DNAH9: variants seen among roughly 807,000 people sequenced by gnomAD.
DNAH9 encodes the protein dynein axonemal heavy chain 9.
In DNAH9, 345 loss-of-function variants were observed where a neutral mutation model predicts 471.6. The observed-to-expected ratio is 0.73, with a 90% CI of 0.67 to 0.80. The LOEUF (loss-of-function observed/expected upper bound fraction) is 0.80, where lower values mean the gene tolerates loss of function less well. Ranked by LOEUF, DNAH9 falls within the 30% of genes least tolerant of loss-of-function variation. The pLI is 0.00. For missense variants in DNAH9, 5,407 were observed against 5,609.2 expected (o/e 0.96, Z 1.15); for synonymous variants, 2,093 against 2,123.6 (o/e 0.99, Z 0.40).
Position 11,807,818 on chromosome 17 carries a change from G to A in DNAH9, c.8507G>A (p.Arg2836Lys). 6.2e-7 allele frequency: 1 copy of A among 1,614,076 alleles called. No homozygotes were observed. The highest frequency in any genetic ancestry group is 8.5e-7 in the Non-Finnish European group (1 of 1,179,940). The change falls in exon 44 of 69, where the codon AGG becomes AAG. Residue 2836 changes from arginine to lysine, a missense_variant. Around this residue, in one of 3 missense-constraint regions of DNAH9, gnomAD observed 4,636 missense variants for 4,900.3 expected, o/e 0.95. Transcript: ENST00000262442. ...VGGSGKQSLT[R>K]LAAFISSMDV... ...GGGAGCGGCAAGCAGAGCCTGACAA[G>A]GCTGGCAGCTTTCATCAGCTCCATG...
intron 9 of DNAH9, among the ~76,000 whole-genome samples, chr17:11,639,848 G>A (rs186897041): frequency 6.6e-6 from 1 of 152,224 alleles, no homozygotes; most frequent in Admixed American, 6.5e-5. Flanking sequence ...CTACAAATAC[G>A]AAAATTAGCC....
chr17:11,789,616 A>G (rs2150904737), intron 41 of DNAH9, among the ~76,000 whole-genome samples: 1 of 152,124 alleles, frequency 6.6e-6, no homozygotes, highest in East Asian at 1.9e-4. Context: ...AAAAAACCTG[A>G]AGGGTATACC....
intron 27 of DNAH9, among the ~76,000 whole-genome samples, chr17:11,727,314 G>A (rs1377924170): frequency 2.0e-5 from 3 of 152,046 alleles, no homozygotes; most frequent in Non-Finnish European, 2.9e-5. Flanking sequence ...TTTAGTTTGT[G>A]TGTATGTGTT....
At chr17:11,968,993 A>G (rs1326568221) in intron 68 of DNAH9, among the ~76,000 whole-genome samples, 1 of 152,254 alleles carries the variant, frequency 6.6e-6, no homozygotes, top group Admixed American at 6.5e-5. Context: ...CACATTCGAT[A>G]TGCTCATGAA....
chr17:11,664,842 G>T lies in DNAH9; in HGVS notation c.2605G>T (p.Gly869Cys), dbSNP rs1297127118. 5.0e-6 allele frequency: 8 copies of T among 1,612,594 alleles called. No homozygotes were observed. In the South Asian group the frequency reaches 6.6e-5, roughly 13 times the overall value. The change falls in exon 15 of 69, where the codon GGT becomes TGT. Residue 869 changes from glycine to cysteine, a missense_variant. This residue lies in a region of DNAH9 where 4,636 missense variants were observed against 4,900.3 expected (regional missense o/e 0.95). Coordinates refer to ENST00000262442, the MANE Select transcript of DNAH9 (RefSeq NM_001372.4). ...CTTCTTCCTTTTATAGGAAAACCTG[G>T]GTCTATTTTCAGCAGACCCAACCTC... is the stretch of plus-strand genomic sequence containing the variant. ...KIHALVQENL[G>C]LFSADPTSNI...
In DNAH9 at chr17:11,757,589, G is replaced by C. The variant is rs1361865502; in HGVS notation, c.6892G>C (p.Val2298Leu). The C allele has an allele frequency of 6.2e-7, 1 of 1,613,982 alleles. No homozygotes were observed. The highest frequency in any genetic ancestry group is 8.5e-7 in the Non-Finnish European group (1 of 1,179,906). ...GGCAGACTTGGGATGGAACCCTCCA[G>C]TGAGCAGCTGGATTGAGAAGAGGGA... is the stretch of plus-strand genomic sequence containing the variant. ...NPADLGWNPP[V>L]SSWIEKREIQ... Residue 2298 changes from valine to leucine, a missense_variant, in exon 35 of 69, where the codon GTG (valine) becomes CTG (leucine). Physicochemically the swap from Val to Leu is conservative, Grantham distance 32. This residue lies in a region of DNAH9 where 4,636 missense variants were observed against 4,900.3 expected (regional missense o/e 0.95). Transcript: ENST00000262442.
At chr17:11,949,759 G>A (rs1597866019) in intron 67 of DNAH9, among the ~76,000 whole-genome samples, 1 of 152,162 alleles carries the variant, frequency 6.6e-6, no homozygotes, top group South Asian at 2.1e-4. Flanking sequence ...GATTACAGGT[G>A]TGAGCCACCA....
chr17:11,958,378 T>C (rs1422952407), intron 67 of DNAH9, among the ~76,000 whole-genome samples: 4 of 152,202 alleles, frequency 2.6e-5, no homozygotes, highest in African/African-American at 7.2e-5. Flanking sequence ...CATGATACTG[T>C]ATTTGTACAA....
chr17:11,923,921 G>A lies in DNAH9; in HGVS notation c.11857G>A (p.Gly3953Ser), dbSNP rs765335893. 3 of 1,613,800 alleles carry A rather than the reference G, an allele frequency of 1.9e-6. No homozygotes were observed. The highest frequency in any genetic ancestry group is 2.5e-6 in the Non-Finnish European group (3 of 1,179,918). The change falls in exon 62 of 69, where the codon GGT (glycine) becomes AGT (serine). Residue 3953 changes from glycine (G) to serine (S), a missense_variant. Physicochemically the swap from Gly to Ser is moderately conservative, Grantham distance 56. This residue lies in a region of DNAH9 where 4,636 missense variants were observed against 4,900.3 expected (regional missense o/e 0.95). Transcript: ENST00000262442. ...EAALDLAAKK[G>S]HWVILQNIHL... The stretch of plus-strand genomic sequence containing the variant: ...TGCGCTGGACCTCGCTGCCAAGAAA[G>A]GTCACTGGGTTATTTTGCAGGTATG...
At chr17:11,913,680 G>A (rs1973856517) in intron 61 of DNAH9, among the ~76,000 whole-genome samples, 1 of 151,792 alleles carries the variant, frequency 6.6e-6, no homozygotes, top group South Asian at 2.1e-4. Flanking sequence ...TACTCAGGAG[G>A]CTGAGGCAGG....
At chr17:11,645,691 C>T (rs1371443249) in intron 11 of DNAH9, among the ~76,000 whole-genome samples, 1 of 151,930 alleles carries the variant, frequency 6.6e-6, no homozygotes, top group African/African-American at 2.4e-5. Context: ...TCACCTCTAC[C>T]CTTTGGCTAC....
rs533954009 is a variant in DNAH9, at chr17:11,733,281, C to T, written c.5814+5359C>T. Among the ~76,000 whole-genome samples, 12 of 152,318 alleles carry T rather than the reference C, an allele frequency of 7.9e-5. No homozygotes were observed. In the East Asian group the frequency reaches 2.1e-3, roughly 27 times the overall value. ...AGGGGTGACGAGAAAAAGCCAAGAT[C>T]CCAGTAGCATAGGGCTAGCCCATGA... On this transcript the variant is annotated intron_variant, in intron 28 of 68. Coordinates refer to ENST00000262442, the MANE Select transcript of DNAH9 (RefSeq NM_001372.4).
At chr17:11,656,679 C>G (rs1211934615) in intron 14 of DNAH9, among the ~76,000 whole-genome samples, 1 of 152,158 alleles carries the variant, frequency 6.6e-6, no homozygotes, top group Non-Finnish European at 1.5e-5. Context: ...TGTATACACT[C>G]AGGTAACTAC....
At chr17:11,864,687 T>C (rs1971978850) in intron 50 of DNAH9, among the ~76,000 whole-genome samples, 1 of 152,340 alleles carries the variant, frequency 6.6e-6, no homozygotes, top group South Asian at 2.1e-4. Context: ...CAGGACTTGC[T>C]TTATGAATCT....
Position 11,669,404 on chromosome 17 carries a change from T to A in DNAH9, c.2963T>A (p.Met988Lys). The stretch of plus-strand genomic sequence containing the variant: ...GACGGTATACCAGATTTGGCAAACA[T>A]GCGGCGCACACTCATGGAGAGAGTC... ...DLDGIPDLAN[M>K]RRTLMERVQR... The change falls in exon 17 of 69, where the codon ATG becomes AAG. Residue 988 changes from methionine to lysine, a missense_variant. Met to Lys is a moderately conservative substitution (Grantham distance 95). Around this residue, in one of 3 missense-constraint regions of DNAH9, gnomAD observed 4,636 missense variants for 4,900.3 expected, o/e 0.95. Transcript: ENST00000262442. 1 of 1,613,696 alleles carries A rather than the reference T, an allele frequency of 6.2e-7. No individual in the cohort carries two copies. The highest frequency in any genetic ancestry group is 8.5e-7 in the Non-Finnish European group (1 of 1,179,828).
chr17:11,687,323 T>C (rs777227946), intron 19 of DNAH9, among the ~76,000 whole-genome samples: 1 of 152,226 alleles, frequency 6.6e-6, no homozygotes, highest in Non-Finnish European at 1.5e-5. Context: ...GAAGTTAATC[T>C]GACACTAATT....
Position 11,768,505 on chromosome 17 carries a change from C to T in DNAH9, c.7223C>T (p.Thr2408Ile). The T allele has an allele frequency of 1.9e-6, 3 of 1,614,194 alleles. No individual in the cohort carries two copies. Among genetic ancestry groups the T allele is most frequent in the South Asian group, 2.2e-5 (2 of 91,086 alleles). Residue 2408 changes from threonine (T) to isoleucine (I), a missense_variant, in exon 37 of 69, where the codon ACA (threonine) becomes ATA (isoleucine). Thr to Ile is a moderately conservative substitution (Grantham distance 89). Transcript: ENST00000262442. ...AAATGGTGGCTGACTGAGTTCAAAA[C>T]AGTCAAGTTTCCTTCCCAAGGAACC... ...FSKWWLTEFK[T>I]VKFPSQGTIF...
intron 19 of DNAH9, among the ~76,000 whole-genome samples, chr17:11,682,865 G>A (rs904671537): frequency 7.9e-5 from 12 of 152,300 alleles, no homozygotes; most frequent in Middle Eastern, 3.4e-3. Context: ...TAACTCCTAA[G>A]TCTGTATCCC....
chr17:11,685,697 T>C (rs571464048), intron 19 of DNAH9, among the ~76,000 whole-genome samples: 2 of 152,260 alleles, frequency 1.3e-5, no homozygotes, highest in South Asian at 4.2e-4. Context: ...TTTTTCATCT[T>C]CTAGCTTGGA....
Sources: gnomAD v4.1 joint callset for allele counts (sites outside exome capture counted in the v4.1 genomes callset) on GRCh38, gnomAD v4.1.1 for gene constraint, gnomAD v4.1.1 regional missense constraint, MANE v1.5 for transcripts, NCBI Gene and HGNC (gene_info 2026-07-23, HGNC 2026-07-21) for gene names.